JMJD1C: variants seen among roughly 807,000 people sequenced by gnomAD.
JMJD1C encodes the protein jumonji domain-containing protein 1C.
In JMJD1C, 31 loss-of-function variants were observed where a neutral mutation model predicts 245.3. The observed-to-expected ratio is 0.13, with a 90% CI of 0.09 to 0.17. The LOEUF is 0.17. Among genes scored for constraint, JMJD1C ranks in the 10% least tolerant of loss-of-function variants. The probability of loss-of-function intolerance (pLI) is 1.00; values close to 1 mark genes in which losing one functional copy is unlikely to be tolerated. For synonymous variants in JMJD1C, 1,057 were observed against 1,017.4 expected (o/e 1.04, Z -0.74); for missense variants, 2,691 against 3,000.2 (o/e 0.90, Z 2.41).
chr10:63,465,746 GGA>G lies in JMJD1C; in HGVS notation c.-86_-85del. ...CACTCCTACCGGCCGCTCATGCTGAGGAGAGCGGACCGGGACACAGCAGCGGA... is the reference window on the plus strand; with the variant it reads ...CACTCCTACCGGCCGCTCATGCTGAGGAGCGGACCGGGACACAGCAGCGGA... On this transcript the variant is annotated 5_prime_UTR_variant, in exon 1 of 26. Transcript: ENST00000399262. The G allele has an allele frequency of 6.7e-7, 1 of 1,501,304 alleles. No individual in the cohort carries two copies. Among genetic ancestry groups the G allele is most frequent in the Non-Finnish European group, 9.1e-7 (1 of 1,097,660 alleles). The allele number at this position is 1,501,304 out of a possible 1,614,324, so 93.0% of individuals were successfully genotyped here.
At chr10:63,203,654 AAGC>A (rs1362196503) in intron 10 of JMJD1C, 2 of 980,832 alleles carry the variant, frequency 2.0e-6, no homozygotes, top group Non-Finnish European at 2.4e-6. Context: ...AGTGGAGAAA[AAGC>A]GGCTGACTTT....
chr10:63,463,193 C>T (rs530050105), intron 1 of JMJD1C, among the ~76,000 whole-genome samples: 134 of 152,278 alleles, frequency 8.8e-4, no homozygotes, highest in African/African-American at 3.1e-3. Flanking sequence ...GAGACAGGAT[C>T]TCACTCTGTC....
intron 1 of JMJD1C, among the ~76,000 whole-genome samples, chr10:63,413,536 A>C (rs1949612975): frequency 6.6e-6 from 1 of 152,198 alleles, no homozygotes; most frequent in African/African-American, 2.4e-5. Flanking sequence ...TATTCAGTAA[A>C]ATAGTTTGCT....
At chr10:63,432,264 C>G (rs549360094) in intron 1 of JMJD1C, among the ~76,000 whole-genome samples, 1 of 152,310 alleles carries the variant, frequency 6.6e-6, no homozygotes, top group Admixed American at 6.5e-5. Flanking sequence ...TATTCCACCT[C>G]TAATACAATG....
At chr10:63,344,238 T>C (rs1292782761) in intron 2 of JMJD1C, among the ~76,000 whole-genome samples, 1 of 152,204 alleles carries the variant, frequency 6.6e-6, no homozygotes, top group Non-Finnish European at 1.5e-5. Context: ...TTTTATATCA[T>C]ATTTTTTTGT....
chr10:63,185,523 G>C, intron 20 of JMJD1C, 40 bp downstream of exon 20: 2 of 1,135,584 alleles, frequency 1.8e-6, no homozygotes, highest in Non-Finnish European at 2.7e-6. Flanking sequence ...GTCTTAGCTC[G>C]ATCTCAAAAA....
chr10:63,320,776 G>C (rs570709549), intron 2 of JMJD1C, among the ~76,000 whole-genome samples: 101 of 152,098 alleles, frequency 6.6e-4, no homozygotes, highest in Non-Finnish European at 1.2e-3. Context: ...CCTGGTTCCT[G>C]ACACCGAGCT....
At chr10:63,328,718 A>G (rs188992210) in intron 2 of JMJD1C, among the ~76,000 whole-genome samples, 144 of 152,364 alleles carry the variant, frequency 9.5e-4, no homozygotes, top group Non-Finnish European at 4.7e-4. Flanking sequence ...ATTCCAACTT[A>G]AATACCTGGA....
At chr10:63,428,391 G>T (rs1045623365) in intron 1 of JMJD1C, among the ~76,000 whole-genome samples, 2 of 152,128 alleles carry the variant, frequency 1.3e-5, no homozygotes, top group African/African-American at 4.8e-5. Context: ...ATTTCACAAA[G>T]ATTACAAAAG....
intron 1 of JMJD1C, among the ~76,000 whole-genome samples, chr10:63,506,404 T>C (rs1954718226): frequency 6.6e-6 from 1 of 152,186 alleles, no homozygotes; most frequent in African/African-American, 2.4e-5. Context: ...TGAAGACAAA[T>C]AGAATTCCTT....
At chr10:63,329,539 T>TAA (rs1009715906) in intron 2 of JMJD1C, among the ~76,000 whole-genome samples, 5 of 114,734 alleles carry the variant, frequency 4.4e-5, no homozygotes, top group Admixed American at 8.5e-5. Context: ...ACAAAAACAC[T>TAA]AAAAAAAAAA....
At chr10:63,441,281 T>C (rs751577115) in intron 1 of JMJD1C, among the ~76,000 whole-genome samples, 8 of 152,176 alleles carry the variant, frequency 5.3e-5, no homozygotes, top group Non-Finnish European at 8.8e-5. Context: ...TGGGACCTAG[T>C]ATAACACAAA....
intron 1 of JMJD1C, among the ~76,000 whole-genome samples, chr10:63,456,227 G>A (rs1283994516): frequency 1.3e-5 from 2 of 151,924 alleles, no homozygotes; most frequent in South Asian, 2.1e-4. Context: ...ATGTTCTAGC[G>A]AACAGTGGAA....
At chr10:63,247,336 A>G (rs1288841100) in intron 3 of JMJD1C, among the ~76,000 whole-genome samples, 1 of 152,148 alleles carries the variant, frequency 6.6e-6, no homozygotes, top group African/African-American at 2.4e-5. Context: ...ACAAATTGAA[A>G]AACCCAGAAA....
intron 1 of JMJD1C, among the ~76,000 whole-genome samples, chr10:63,493,417 G>A (rs1019550256): frequency 2.6e-5 from 4 of 151,620 alleles, no homozygotes; most frequent in African/African-American, 7.3e-5. Flanking sequence ...GAGTAGCTGC[G>A]ATTATAGGCG....
intron 1 of JMJD1C, among the ~76,000 whole-genome samples, chr10:63,450,824 A>C (rs1952016834): frequency 6.6e-6 from 1 of 152,168 alleles, no homozygotes; most frequent in Admixed American, 6.5e-5. Context: ...AGAAACTTAG[A>C]TAAGACATTC....
rs1955233347 is a variant in JMJD1C, at chr10:63,521,407, C to T, written n.113+331G>A. The T allele has an allele frequency of 1.7e-5, 4 of 229,164 alleles. 1 individual carries two copies. Among genetic ancestry groups the T allele is most frequent in the South Asian group, 3.0e-4 (2 of 6,612 alleles). The allele number at this position is 229,164 out of a possible 1,614,324, so 14.2% of individuals were successfully genotyped here. Reference sequence around the variant, plus strand: ...AGCCCAGGCCGCCGCGCGCACACACCGGGCCCGGCTCCTGAGGGCGCCAGC... The same window carrying T: ...AGCCCAGGCCGCCGCGCGCACACACTGGGCCCGGCTCCTGAGGGCGCCAGC... On this transcript the variant is annotated intron_variant and non_coding_transcript_variant, in intron 1 of 3. Coordinates refer to the JMJD1C transcript ENST00000633035.
chr10:63,213,623 G>A lies in JMJD1C; in HGVS notation c.2544C>T (p.Ala848=), dbSNP rs767355546. The A allele has an allele frequency of 1.1e-5, 17 of 1,614,140 alleles. No homozygotes were observed. The highest frequency in any genetic ancestry group is 4.4e-5 in the South Asian group (4 of 91,084). The change falls in exon 8 of 26, where the codon GCC becomes GCT. Residue 848 remains alanine, a synonymous_variant. Coordinates refer to ENST00000399262, the MANE Select transcript of JMJD1C (RefSeq NM_032776.3). Reference sequence around the variant, plus strand: ...GCTGATTATATGAAGCAGAAGGATGGGCTTGTCCAAGAAGATGAGGTGACT... The same window carrying A: ...GCTGATTATATGAAGCAGAAGGATGAGCTTGTCCAAGAAGATGAGGTGACT... ...QHQSPHLLGQ[A]HPSASYNQLG...
intron 1 of JMJD1C, among the ~76,000 whole-genome samples, chr10:63,382,173 T>G (rs545840254): frequency 6.6e-6 from 1 of 152,278 alleles, no homozygotes; most frequent in East Asian, 1.9e-4. Context: ...ATCAGGCCAC[T>G]GCACACCAGC....
Sources: allele counts gnomAD v4.1 joint callset (sites outside exome capture counted in the v4.1 genomes callset), GRCh38; gene constraint gnomAD v4.1.1; transcripts MANE v1.5; gene names NCBI Gene and HGNC (gene_info 2026-07-23, HGNC 2026-07-21).